Variants in GSE1 observed in about 807,000 individuals in gnomAD.
GSE1 encodes the protein genetic suppressor element 1.
GSE1 carries 32 observed loss-of-function variants against 112.6 expected under a neutral mutation model. That is an observed-to-expected ratio of 0.28 (90% CI 0.21 to 0.38). The LOEUF is 0.38. GSE1 is among the 10% of genes least tolerant of loss of function. GSE1 has a pLI of 1.00. For synonymous variants in GSE1, 1,115 were observed against 735.6 expected, an observed-to-expected ratio of 1.52 and a Z score of -8.35; for missense variants, 2,348 against 1,699.2, an observed-to-expected ratio of 1.38 and a Z score of -6.71.
chr16:85,643,291 C>T (rs1205985478), intron 2 of GSE1, among the ~76,000 whole-genome samples: 1 of 152,138 alleles, frequency 6.6e-6, no homozygotes, highest in African/African-American at 2.4e-5. Flanking sequence ...CCTTCCTGCT[C>T]CAGCCACGCG....
chr16:85,470,563 C>T (rs930108390), intron 2 of GSE1, among the ~76,000 whole-genome samples: 5 of 152,220 alleles, frequency 3.3e-5, no homozygotes, highest in Non-Finnish European at 5.9e-5. Context: ...GTAACCTTCA[C>T]CCGATGGGGC....
chr16:85,552,015 ATTTC>A (rs1257665581), upstream of GSE1, among the ~76,000 whole-genome samples: 12 of 150,406 alleles, frequency 8.0e-5, no homozygotes, highest in African/African-American at 1.7e-4. Context: ...CGTGCACTCA[ATTTC>A]TTTCTTTCTT....
chr16:85,638,721 AC>A (rs1279544854), intron 2 of GSE1, among the ~76,000 whole-genome samples: 1 of 80,164 alleles, frequency 1.2e-5, no homozygotes, highest in Non-Finnish European at 2.3e-5. Context: ...TGCCACCCCC[AC>A]CTCCTACGTG....
At chr16:85,504,563 A>G (rs537853190) in intron 2 of GSE1, among the ~76,000 whole-genome samples, 5 of 152,334 alleles carry the variant, frequency 3.3e-5, no homozygotes, top group South Asian at 4.1e-4. Context: ...CTCAGGGACA[A>G]TTGGGTTAAA....
chr16:85,173,299 C>A (rs1001937576), intron 1 of GSE1, among the ~76,000 whole-genome samples: 1 of 152,140 alleles, frequency 6.6e-6, no homozygotes, highest in African/African-American at 2.4e-5. Context: ...AGGCAGATTT[C>A]GAAATTCTGC....
At chr16:85,208,570 G>C (rs2143631856) in intron 1 of GSE1, among the ~76,000 whole-genome samples, 1 of 152,124 alleles carries the variant, frequency 6.6e-6, no homozygotes, top group South Asian at 2.1e-4. Context: ...GGTACCTCTA[G>C]ACCAGGGACC....
At position 85,601,888 on chromosome 16, in the gene GSE1, C is replaced by T. The variant is rs561466277; in HGVS notation, c.37+45525C>T. On this transcript the variant is annotated intron_variant, in intron 1 of 2. Transcript: ENST00000635906. ...CTGCGTGCATCGCTTGTCGAGCCCG[C>T]GAGTGATAAAGGCAACTGGGACTTG... Among the ~76,000 whole-genome samples the T allele has an allele frequency of 2.0e-5, 3 of 152,264 alleles. No individual in the cohort carries two copies. In the South Asian group the frequency reaches 6.2e-4, roughly 32 times the overall value.
At chr16:85,306,878 G>T (rs2045693587) in intron 1 of GSE1, among the ~76,000 whole-genome samples, 1 of 152,232 alleles carries the variant, frequency 6.6e-6, no homozygotes, top group South Asian at 2.1e-4. Flanking sequence ...GTTTGAACCT[G>T]TTCATAAAAG....
intron 1 of GSE1, among the ~76,000 whole-genome samples, chr16:85,300,007 C>T (rs1408554389): frequency 1.3e-5 from 2 of 150,852 alleles, no homozygotes; most frequent in Admixed American, 6.6e-5. Flanking sequence ...CATACAATTT[C>T]CCATGTTAGC....
At chr16:85,447,389 C>T (rs925017306) in intron 2 of GSE1, among the ~76,000 whole-genome samples, 2 of 152,184 alleles carry the variant, frequency 1.3e-5, no homozygotes, top group African/African-American at 4.8e-5. Flanking sequence ...GTCCCAGATT[C>T]ACCACTTGAC....
upstream of GSE1, among the ~76,000 whole-genome samples, chr16:85,554,599 A>C (rs896881154): frequency 2.3e-4 from 35 of 152,260 alleles, 1 homozygote; most frequent in African/African-American, 6.0e-4. Flanking sequence ...AGGAAAAGAA[A>C]GGAGGGAAAC....
intron 2 of GSE1, among the ~76,000 whole-genome samples, chr16:85,529,533 G>A (rs1464251107): frequency 6.6e-6 from 1 of 152,164 alleles, no homozygotes; most frequent in African/African-American, 2.4e-5. Flanking sequence ...GGCACCTGTT[G>A]GGGGCAGCTG....
Position 85,663,629 on chromosome 16 carries a change from G to A in GSE1, c.2644+15G>A, listed in dbSNP as rs1431511427. On this transcript the variant is annotated intron_variant, in intron 11 of 15. Transcript: ENST00000253458. ...GAAGAGGAAAGGTAGGGCCTCGCCT[G>A]GGTAGGAAGGTGGGGGCTCACTGGG... 1 of 1,600,790 alleles carries A rather than the reference G, an allele frequency of 6.2e-7. No homozygotes were observed. Among genetic ancestry groups the A allele is most frequent in the Admixed American group, 1.7e-5 (1 of 57,828 alleles).
Position 85,675,240 on chromosome 16 carries a change from C to A in GSE1, c.*2701C>A, listed in dbSNP as rs2029. On this transcript the variant is annotated 3_prime_UTR_variant, in exon 16 of 16. Coordinates refer to ENST00000253458, the MANE Select transcript of GSE1 (RefSeq NM_014615.5). ...ATGCCACCTGTGTGTCAGGATGCAC[C>A]TGAAAGCCCTCGGCTCGGTCCTTAG... 35,842 of 152,078 alleles carry A rather than the reference C, an allele frequency of 0.24. 4,800 individuals carry two copies. The highest frequency in any genetic ancestry group is 0.34 in the Middle Eastern group (100 of 290). The allele number at this position is 152,078 out of a possible 1,614,324, so 9.4% of individuals were successfully genotyped here. A position where few individuals can be genotyped will look rare whatever the true frequency, so the allele number is the denominator to read the frequency against.
intron 1 of GSE1, among the ~76,000 whole-genome samples, chr16:85,182,440 G>A (rs967854207): frequency 6.6e-6 from 1 of 152,210 alleles, no homozygotes; most frequent in African/African-American, 2.4e-5. Flanking sequence ...CTCCCCTGGC[G>A]GCCTGGTCCC....
At chr16:85,670,397 G>A (rs913262456) in intron 14 of GSE1, among the ~76,000 whole-genome samples, 10 of 151,638 alleles carry the variant, frequency 6.6e-5, no homozygotes, top group Admixed American at 3.9e-4. Flanking sequence ...TTTTCTTGAT[G>A]TTGCTCCATC....
intron 2 of GSE1, among the ~76,000 whole-genome samples, chr16:85,637,650 C>T (rs2151785028): frequency 6.6e-6 from 1 of 152,380 alleles, no homozygotes. Context: ...TCCGGCTTGC[C>T]CGGGTCCCAC....
intron 1 of GSE1, among the ~76,000 whole-genome samples, chr16:85,341,493 A>C (rs1387845725): frequency 6.6e-6 from 1 of 152,206 alleles, no homozygotes; most frequent in South Asian, 2.1e-4. Flanking sequence ...CCCCGTCTCT[A>C]CTAAAAATAC....
At chr16:85,615,806 A>G (rs1203006693) in intron 1 of GSE1, among the ~76,000 whole-genome samples, 1 of 152,214 alleles carries the variant, frequency 6.6e-6, no homozygotes, top group Non-Finnish European at 1.5e-5. Context: ...TTCCAAGCCC[A>G]GTTAAGCCAC....
Sources: allele counts gnomAD v4.1 joint callset (sites outside exome capture counted in the v4.1 genomes callset), GRCh38; gene constraint gnomAD v4.1.1; transcripts MANE v1.5; gene names NCBI Gene and HGNC (gene_info 2026-07-23, HGNC 2026-07-21).